The following ST6GALNAC5 variants were observed in gnomAD, a reference collection of about 807,000 sequenced individuals.
ST6GALNAC5 encodes the protein alpha-N-acetylgalactosaminide alpha-2,6-sialyltransferase 5.
A neutral mutation model predicts 33.6 loss-of-function variants in ST6GALNAC5; 27 were observed. The observed-to-expected ratio is 0.80, with a 90% CI of 0.59 to 1.11. The LOEUF is 1.11. Ranked by LOEUF, ST6GALNAC5 falls within the 50% of genes least tolerant of loss-of-function variation. The probability of loss-of-function intolerance (pLI) is 0.00; values close to 1 mark genes in which losing one functional copy is unlikely to be tolerated. For missense variants in ST6GALNAC5, 428 were observed against 454.0 expected, an observed-to-expected ratio of 0.94 and a Z score of 0.52; for synonymous variants, 194 against 171.2, an observed-to-expected ratio of 1.13 and a Z score of -1.04.
chr1:76,919,680 G>A (rs1361486651), intron 2 of ST6GALNAC5, among the ~76,000 whole-genome samples: 1 of 152,152 alleles, frequency 6.6e-6, no homozygotes, highest in African/African-American at 2.4e-5. Context: ...CTGAGTAAAT[G>A]GGGGCTGAAC....
At chr1:76,946,116 T>A (rs1016762299) in intron 2 of ST6GALNAC5, among the ~76,000 whole-genome samples, 1 of 152,104 alleles carries the variant, frequency 6.6e-6, no homozygotes, top group Non-Finnish European at 1.5e-5. Flanking sequence ...TAGAGTTAAC[T>A]ACTTAGGTGG....
intron 2 of ST6GALNAC5, among the ~76,000 whole-genome samples, chr1:76,995,011 A>G (rs1441952587): frequency 6.6e-6 from 1 of 152,218 alleles, no homozygotes; most frequent in East Asian, 1.9e-4. Context: ...TCCAGAATTC[A>G]TAAATCACCT....
intron 2 of ST6GALNAC5, among the ~76,000 whole-genome samples, chr1:76,886,023 TA>T (rs1653885056): frequency 6.6e-6 from 1 of 152,226 alleles, no homozygotes; most frequent in African/African-American, 2.4e-5. Flanking sequence ...CCTTTGTACA[TA>T]TGCAGCCTCA....
chr1:77,053,942 C>A (rs760421759), intron 4 of ST6GALNAC5, among the ~76,000 whole-genome samples: 2 of 152,142 alleles, frequency 1.3e-5, no homozygotes, highest in African/African-American at 2.4e-5. Flanking sequence ...GAGCTAGCCA[C>A]GTGGAGCCAG....
chr1:76,887,646 C>T (rs796284070), intron 2 of ST6GALNAC5, among the ~76,000 whole-genome samples: 1 of 152,048 alleles, frequency 6.6e-6, no homozygotes, highest in South Asian at 2.1e-4. Context: ...TTACAAAGGC[C>T]TCATCTGACC....
chr1:76,995,809 A>G (rs2100402017), intron 2 of ST6GALNAC5, among the ~76,000 whole-genome samples: 1 of 152,288 alleles, frequency 6.6e-6, no homozygotes, highest in East Asian at 1.9e-4. Context: ...TTCAGTGTAT[A>G]TCTGTGTCTT....
chr1:77,053,001 T>C (rs75170415), intron 4 of ST6GALNAC5, among the ~76,000 whole-genome samples: 5,390 of 151,230 alleles, frequency 0.036, 139 homozygotes, highest in African/African-American at 0.07. Flanking sequence ...TAATAAGCCT[T>C]ACCCATGCCA....
At chr1:76,960,143 C>T (rs758120483) in intron 2 of ST6GALNAC5, among the ~76,000 whole-genome samples, 3 of 151,992 alleles carry the variant, frequency 2.0e-5, no homozygotes, top group South Asian at 2.1e-4. Context: ...AATTCACCCC[C>T]GATATTTCAC....
Position 77,063,023 on chromosome 1 carries a change from A to C in ST6GALNAC5, c.828A>C (p.Gly276=). The C allele has an allele frequency of 6.2e-7, 1 of 1,613,894 alleles. No individual in the cohort carries two copies. The highest frequency in any genetic ancestry group is 2.2e-5 in the East Asian group (1 of 44,874). Reference sequence around the variant, plus strand: ...CTTATCATTATTATGAACCTTTTGGACCTGATGAATGTACAATGTACCTCT... The same window carrying C: ...CTTATCATTATTATGAACCTTTTGGCCCTGATGAATGTACAATGTACCTCT... ...SVPYHYYEPF[G]PDECTMYLSH... The change falls in exon 5 of 5, where the codon GGA becomes GGC. Residue 276 remains glycine, a synonymous_variant. Transcript: ENST00000477717.
intron 2 of ST6GALNAC5, among the ~76,000 whole-genome samples, chr1:76,918,822 A>G (rs767914349): frequency 3.9e-5 from 6 of 152,016 alleles, no homozygotes; most frequent in Admixed American, 6.6e-5. Flanking sequence ...TAGAGTTTCA[A>G]TGGGGTTTAT....
intron 2 of ST6GALNAC5, among the ~76,000 whole-genome samples, chr1:77,022,594 C>T (rs1557764713): frequency 6.6e-6 from 1 of 152,158 alleles, no homozygotes; most frequent in Non-Finnish European, 1.5e-5. Context: ...GTCTCTTATA[C>T]CTCAGTAAGG....
At chr1:77,006,137 T>G (rs181247400) in intron 2 of ST6GALNAC5, among the ~76,000 whole-genome samples, 32 of 70,118 alleles carry the variant, frequency 4.6e-4, no homozygotes, top group Non-Finnish European at 1.3e-3. Flanking sequence ...AAATGTGTAG[T>G]TTTTTTTGTT....
chr1:76,873,648 T>C (rs1331595430), intron 2 of ST6GALNAC5, among the ~76,000 whole-genome samples: 1 of 152,134 alleles, frequency 6.6e-6, no homozygotes, highest in Non-Finnish European at 1.5e-5. Context: ...AAAGTAATTC[T>C]AATAACAGGG....
At chr1:76,948,415 A>G (rs1647607752) in intron 2 of ST6GALNAC5, among the ~76,000 whole-genome samples, 1 of 152,112 alleles carries the variant, frequency 6.6e-6, no homozygotes, top group Non-Finnish European at 1.5e-5. Context: ...ATTCTCTAGA[A>G]CCAACATCCC....
chr1:76,947,011 A>G (rs1647542042), intron 2 of ST6GALNAC5, among the ~76,000 whole-genome samples: 3 of 152,156 alleles, frequency 2.0e-5, no homozygotes, highest in Non-Finnish European at 2.9e-5. Flanking sequence ...ACTTATAGTC[A>G]TCCATAGTTC....
chr1:77,015,963 A>G (rs1348061788), intron 2 of ST6GALNAC5, among the ~76,000 whole-genome samples: 2 of 151,848 alleles, frequency 1.3e-5, no homozygotes, highest in Non-Finnish European at 2.9e-5. Context: ...CAGGCCTCTG[A>G]TCCCAGCATC....
In ST6GALNAC5 at chr1:77,063,120, C is replaced by G; in HGVS notation, c.925C>G (p.Arg309Gly). The change falls in exon 5 of 5, where the codon CGG becomes GGG. Residue 309 changes from arginine to glycine, a missense_variant. By Grantham distance (125) the Arg-to-Gly change is moderately radical. Transcript: ENST00000477717. The stretch of plus-strand genomic sequence containing the variant: ...GAAACGAGTCTTTAAGAACTGGGCA[C>G]GGACATTCAATATTCACTTTTTTCA... ...TEKRVFKNWA[R>G]TFNIHFFQPD... 1 of 1,613,802 alleles carries G rather than the reference C, an allele frequency of 6.2e-7. No individual in the cohort carries two copies. Among genetic ancestry groups the G allele is most frequent in the Non-Finnish European group, 8.5e-7 (1 of 1,179,856 alleles).
chr1:76,978,778 G>A (rs371855844), intron 2 of ST6GALNAC5, among the ~76,000 whole-genome samples: 2 of 152,074 alleles, frequency 1.3e-5, no homozygotes, highest in Non-Finnish European at 2.9e-5. Context: ...TCTAGGCAGA[G>A]CCATTAGGCA....
At chr1:77,057,672 A>G (rs544743038) in intron 4 of ST6GALNAC5, among the ~76,000 whole-genome samples, 2 of 152,324 alleles carry the variant, frequency 1.3e-5, no homozygotes, top group South Asian at 4.1e-4. Context: ...GACCTGCTTT[A>G]GACGAGGGCA....
Sources: gnomAD v4.1 joint callset for allele counts (sites outside exome capture counted in the v4.1 genomes callset) on GRCh38, gnomAD v4.1.1 for gene constraint, MANE v1.5 for transcripts, NCBI Gene and HGNC (gene_info 2026-07-23, HGNC 2026-07-21) for gene names.